Variants in FAM20C observed in about 807,000 individuals in gnomAD.
FAM20C encodes the protein extracellular serine/threonine protein kinase FAM20C.
A neutral mutation model predicts 51.5 loss-of-function variants in FAM20C; 40 were observed. The ratio of observed to expected loss-of-function variants is 0.78; its 90% CI spans 0.60 to 1.01. FAM20C has a LOEUF of 1.01. Ranked by LOEUF, FAM20C falls within the 50% of genes least tolerant of loss-of-function variation. The pLI is 0.00. For synonymous variants in FAM20C, 406 were observed against 380.6 expected, an observed-to-expected ratio of 1.07 and a Z score of -0.78; for missense variants, 861 against 844.7, an observed-to-expected ratio of 1.02 and a Z score of -0.24.
chr7:257,818 G>A (rs1218866034), intron 8 of FAM20C, among the ~76,000 whole-genome samples: 120 of 108,684 alleles, frequency 1.1e-3, no homozygotes, highest in South Asian at 1.4e-3. Context: ...CCCACTGCCC[G>A]GGGTGCTGGA....
rs1562400873 is a variant in FAM20C, at chr7:257,799, CT to C, written c.1445+714del. On this transcript the variant is annotated intron_variant, in intron 8 of 9. Transcript: ENST00000313766. Reference sequence around the variant, plus strand: ...CACTGCCCGGGGTGCTGGAGATGGGCTGGGTGGACCCACTGCCCGGGGTGCT... The same window carrying C: ...CACTGCCCGGGGTGCTGGAGATGGGCGGGTGGACCCACTGCCCGGGGTGCT... Among the ~76,000 whole-genome samples the C allele has an allele frequency of 2.6e-5, 3 of 116,132 alleles. 1 individual carries two copies. The highest frequency in any genetic ancestry group is 1.0e-4 in the African/African-American group (3 of 29,124). The allele number at this position is 116,132 out of a possible 152,430, so 76.2% of individuals were successfully genotyped here.
intron 4 of FAM20C, 29 bp downstream of exon 4, chr7:246,536 C>T (rs139364156): frequency 1.9e-3 from 2,737 of 1,465,138 alleles, no homozygotes; most frequent in Non-Finnish European, 2.1e-3. Flanking sequence ...CCTCCATCCG[C>T]GCTCCCGTGC....
rs868564187 is a variant in FAM20C, at chr7:258,270, A to T, written c.1446-376A>T. 1.9e-4 allele frequency among the ~76,000 whole-genome samples: 17 copies of T among 87,336 alleles called. 2 individuals carry two copies. Among genetic ancestry groups the T allele is most frequent in the African/African-American group, 8.8e-4 (12 of 13,616 alleles). 57.3% of individuals were successfully genotyped at this position (87,336 alleles called of 152,430 possible). Reference sequence around the variant, plus strand: ...ACTGCCTGAGGTGCTGGAGATAGGCAGGGTGGACCCACTGCCTGGGGTGCT... The same window carrying T: ...ACTGCCTGAGGTGCTGGAGATAGGCTGGGTGGACCCACTGCCTGGGGTGCT... On this transcript the variant is annotated intron_variant, in intron 8 of 9. Transcript: ENST00000313766.
intron 3 of FAM20C, among the ~76,000 whole-genome samples, chr7:234,007 C>T (rs1787775924): frequency 6.6e-6 from 1 of 152,166 alleles, no homozygotes; most frequent in Non-Finnish European, 1.5e-5. Flanking sequence ...GGGAACTGGT[C>T]CTGGGCAGAC....
chr7:223,095 G>C (rs966538625), intron 3 of FAM20C, among the ~76,000 whole-genome samples: 5 of 152,080 alleles, frequency 3.3e-5, no homozygotes, highest in Admixed American at 2.6e-4. Context: ...GAATGTGGGG[G>C]AGTGTGCACG....
intron 1 of FAM20C, among the ~76,000 whole-genome samples, chr7:194,781 C>G (rs2115038214): frequency 6.9e-6 from 1 of 144,992 alleles, no homozygotes; most frequent in South Asian, 2.5e-4. Flanking sequence ...AGCCCCCCAC[C>G]CCGCCCCCGT....
chr7:257,831 T>C (rs1228131882), intron 8 of FAM20C, among the ~76,000 whole-genome samples: 25 of 115,330 alleles, frequency 2.2e-4, no homozygotes, highest in South Asian at 8.2e-4. Context: ...GTGCTGGAGA[T>C]GGGCAGGGTG....
intron 3 of FAM20C, among the ~76,000 whole-genome samples, chr7:241,448 G>C (rs1322929587): frequency 3.3e-5 from 5 of 152,188 alleles, no homozygotes; most frequent in Non-Finnish European, 7.3e-5. Flanking sequence ...CACTAAATGC[G>C]CTTTCCCAGC....
At chr7:235,867 G>C (rs1562388327) in intron 3 of FAM20C, among the ~76,000 whole-genome samples, 1 of 152,222 alleles carries the variant, frequency 6.6e-6, no homozygotes, top group Non-Finnish European at 1.5e-5. Context: ...GCTTTGGACT[G>C]ACCATTCCTG....
Position 193,297 on chromosome 7 carries a change from T to G in FAM20C, c.98T>G (p.Leu33Arg), listed in dbSNP as rs1309869575. 10 of 1,413,764 alleles carry G rather than the reference T, an allele frequency of 7.1e-6. No individual in the cohort carries two copies. The highest frequency in any genetic ancestry group is 9.3e-6 in the Non-Finnish European group (10 of 1,077,060). The allele number at this position is 1,413,764 out of a possible 1,614,324, so 87.6% of individuals were successfully genotyped here. The change falls in exon 1 of 10, where the codon CTG becomes CGG. Residue 33 changes from leucine to arginine, a missense_variant. Physicochemically the swap from Leu to Arg is moderately radical, Grantham distance 102 (BLOSUM62 -2). Transcript: ENST00000313766. ...LHIALDLLPR[L>R]ERRGARPSGE... The stretch of plus-strand genomic sequence containing the variant: ...ATCGCCCTGGACCTGCTGCCCAGGC[T>G]GGAGCGACGCGGCGCGCGGCCCTCG...
intron 2 of FAM20C, among the ~76,000 whole-genome samples, chr7:205,136 G>A (rs73251072): frequency 0.067 from 10,263 of 152,264 alleles, 372 homozygotes; most frequent in Middle Eastern, 0.082. Context: ...AGGCGTCCAC[G>A]TCCTGAGCCC....
chr7:251,125 TC>T (rs1421081347), intron 5 of FAM20C, among the ~76,000 whole-genome samples: 1 of 109,874 alleles, frequency 9.1e-6, no homozygotes, highest in Non-Finnish European at 2.1e-5. Flanking sequence ...GGTCGTTTCC[TC>T]CCCGTTTCTA....
chr7:228,994 C>T (rs1459910855), intron 3 of FAM20C: 1 of 370,432 alleles, frequency 2.7e-6, no homozygotes, highest in Non-Finnish European at 5.4e-6. Context: ...CACCAGGACC[C>T]GTAGTCGGGC....
chr7:258,840 C>G, intron 9 of FAM20C, 135 bp downstream of exon 9: 2 of 915,970 alleles, frequency 2.2e-6, no homozygotes, highest in South Asian at 1.8e-5. Flanking sequence ...AACCACAGCC[C>G]TGAATTCAAC....
At chr7:222,068 AG>A (rs1219251598) in intron 3 of FAM20C, among the ~76,000 whole-genome samples, 1 of 104,506 alleles carries the variant, frequency 9.6e-6, no homozygotes, top group Non-Finnish European at 2.2e-5. Flanking sequence ...CCAGCAGGGC[AG>A]GGGGCTGCAG....
intron 3 of FAM20C, among the ~76,000 whole-genome samples, chr7:242,727 G>T (rs1787983326): frequency 6.6e-6 from 1 of 152,198 alleles, no homozygotes; most frequent in African/African-American, 2.4e-5. Flanking sequence ...CACATTTCGA[G>T]TGTCCCACAG....
intron 5 of FAM20C, among the ~76,000 whole-genome samples, chr7:254,345 G>C (rs1788512545): frequency 6.6e-6 from 1 of 152,244 alleles, no homozygotes; most frequent in South Asian, 2.1e-4. Context: ...GGCTGCATAG[G>C]AATGCTGGGA....
At chr7:242,855 G>A (rs1012153194) in intron 3 of FAM20C, among the ~76,000 whole-genome samples, 2 of 152,170 alleles carry the variant, frequency 1.3e-5, no homozygotes, top group Admixed American at 1.3e-4. Context: ...CCACACCAAG[G>A]GGCAGGCTCA....
At chr7:257,137 A>G (rs996792634) in intron 8 of FAM20C, 51 bp downstream of exon 8, 55 of 1,493,724 alleles carry the variant, frequency 3.7e-5, no homozygotes, top group Non-Finnish European at 4.9e-5. Context: ...GCCACCTCCC[A>G]GCTACCTGCA....
Sources: gnomAD v4.1 joint callset for allele counts (sites outside exome capture counted in the v4.1 genomes callset) on GRCh38, gnomAD v4.1.1 for gene constraint, MANE v1.5 for transcripts, NCBI Gene and HGNC (gene_info 2026-07-23, HGNC 2026-07-21) for gene names.